The following SMIM22 variants were observed in gnomAD, a reference collection of about 807,000 sequenced individuals.
SMIM22 encodes small integral membrane protein 22, also known as cancer associated small integral membrane open reading frame 1.
A neutral mutation model predicts 8.4 loss-of-function variants in SMIM22; 16 were observed. The observed-to-expected ratio is 1.90, with a 90% CI of 1.29 to 2.89. SMIM22 has a LOEUF of 2.89. SMIM22 is among the 30% of genes most tolerant of loss of function. The probability of loss-of-function intolerance (pLI) is 0.00; values close to 1 mark genes in which losing one functional copy is unlikely to be tolerated. For synonymous variants in SMIM22, 67 were observed against 47.6 expected, an observed-to-expected ratio of 1.41 and a Z score of -1.68; for missense variants, 159 against 107.5, an observed-to-expected ratio of 1.48 and a Z score of -2.12.
chr16:4,794,241 G>A (rs960203129), upstream of SMIM22, among the ~76,000 whole-genome samples: 1 of 151,808 alleles, frequency 6.6e-6, no homozygotes, highest in South Asian at 2.1e-4. Context: ...CTGAGTAGTT[G>A]GGACTATAGG....
intron 1 of SMIM22, 102 bp from the exon 2 acceptor site, chr16:4,795,613 C>A: frequency 7.2e-7 from 1 of 1,395,852 alleles, no homozygotes; most frequent in Non-Finnish European, 9.5e-7. Flanking sequence ...GAAGCTGGCG[C>A]TGGGCCAGGA....
At chr16:4,790,543 A>C (rs1352230505), upstream of SMIM22, among the ~76,000 whole-genome samples, 2 of 152,274 alleles carry the variant, frequency 1.3e-5, no homozygotes, top group East Asian at 3.9e-4. Flanking sequence ...TAATCCCAGC[A>C]CTTCAGGAGG....
At chr16:4,791,587 C>T (rs1040199695), upstream of SMIM22, among the ~76,000 whole-genome samples, 1 of 152,124 alleles carries the variant, frequency 6.6e-6, no homozygotes, top group Non-Finnish European at 1.5e-5. Flanking sequence ...GGCATGCAAT[C>T]GAACCTGGGT....
intron 2 of SMIM22, among the ~76,000 whole-genome samples, chr16:4,789,395 G>T (rs1000340856): frequency 4.6e-5 from 7 of 150,760 alleles, no homozygotes; most frequent in African/African-American, 1.5e-4. Context: ...GCATGATCTC[G>T]GCTCACTGTA....
rs551208341 is a variant in SMIM22 at position 4,796,061 on chromosome 16, G to A, written c.225+13G>A. On this transcript the variant is annotated intron_variant, in intron 3 of 3. Coordinates refer to ENST00000586005, the MANE Select transcript of SMIM22 (RefSeq NM_001253794.2). ...GAGCCCCTGGAAGGTGAGCCCTGCC[G>A]GCCTCTGGGACCTGCACGGAACTGT... 411 of 1,531,670 alleles carry A rather than the reference G, an allele frequency of 2.7e-4. 1 individual carries two copies. The highest frequency in any genetic ancestry group is 3.4e-4 in the Non-Finnish European group (386 of 1,144,024). 94.9% of individuals were successfully genotyped at this position (1,531,670 alleles called of 1,614,324 possible). A position where few individuals can be genotyped will look rare whatever the true frequency, so the allele number is the denominator to read the frequency against.
At chr16:4,790,623 A>G (rs900856613), upstream of SMIM22, among the ~76,000 whole-genome samples, 2 of 152,158 alleles carry the variant, frequency 1.3e-5, no homozygotes, top group African/African-American at 4.8e-5. Flanking sequence ...CCCCATCTCT[A>G]CTAAAAATAC....
upstream of SMIM22, among the ~76,000 whole-genome samples, chr16:4,791,561 CATTGGTGGGTCTT>C (rs2082551497): frequency 2.6e-5 from 4 of 152,286 alleles, no homozygotes; most frequent in South Asian, 6.2e-4. Flanking sequence ...CAAGCTCACA[CATTGGTGGGTCTT>C]ATGGCATGCA....
intron 2 of SMIM22, among the ~76,000 whole-genome samples, chr16:4,789,277 G>A (rs1173221439): frequency 6.6e-6 from 1 of 151,736 alleles, no homozygotes; most frequent in Non-Finnish European, 1.5e-5. Flanking sequence ...CTCCCAAAGT[G>A]TTGGGATTAG....
chr16:4,793,244 C>A (rs374077174), upstream of SMIM22, among the ~76,000 whole-genome samples: 5 of 152,122 alleles, frequency 3.3e-5, no homozygotes, highest in African/African-American at 1.2e-4. Context: ...CTGGACAAGG[C>A]AAAAGATGGA....
chr16:4,789,161 G>T (rs929702952), intron 2 of SMIM22, among the ~76,000 whole-genome samples: 1 of 152,046 alleles, frequency 6.6e-6, no homozygotes, highest in Non-Finnish European at 1.5e-5. Flanking sequence ...TGGATTACCG[G>T]TGTGCACCAC....
At chr16:4,792,405 T>C (rs1397501189), upstream of SMIM22, among the ~76,000 whole-genome samples, 3 of 150,038 alleles carry the variant, frequency 2.0e-5, no homozygotes, top group East Asian at 2.1e-4. Flanking sequence ...TTAGCCAGGA[T>C]GGTCTCGATC....
upstream of SMIM22, among the ~76,000 whole-genome samples, chr16:4,790,496 A>C (rs570198651): frequency 2.0e-4 from 31 of 152,298 alleles, no homozygotes; most frequent in Non-Finnish European, 3.4e-4. Context: ...AAAGGCTTAG[A>C]GGCTAGGGGT....
At chr16:4,792,690 G>T (rs1450817203), upstream of SMIM22, among the ~76,000 whole-genome samples, 1 of 150,472 alleles carries the variant, frequency 6.6e-6, no homozygotes. Flanking sequence ...AAATCCCAGT[G>T]ATTCGGGAGG....
chr16:4,792,748 G>A (rs1283193492), upstream of SMIM22, among the ~76,000 whole-genome samples: 3 of 148,260 alleles, frequency 2.0e-5, no homozygotes, highest in African/African-American at 5.0e-5. Flanking sequence ...GTTGCAGTGA[G>A]CCGACATCGT....
At chr16:4,794,728 G>T (rs187435509), upstream of SMIM22, among the ~76,000 whole-genome samples, 3,018 of 152,194 alleles carry the variant, frequency 0.02, 44 homozygotes, top group Non-Finnish European at 0.031. Flanking sequence ...CCCAATTTTT[G>T]TATTTTTAGT....
chr16:4,792,084 C>A (rs190659301), upstream of SMIM22, among the ~76,000 whole-genome samples: 421 of 152,248 alleles, frequency 2.8e-3, 1 homozygote, highest in Non-Finnish European at 4.0e-3. Flanking sequence ...AACAAGGTAC[C>A]CAGAGAGACA....
rs1257342911 is a variant in SMIM22 at position 4,796,224 on chromosome 16, A to G, written c.260A>G (p.Glu87Gly). 6.5e-7 allele frequency: 1 copy of G among 1,535,670 alleles called. No individual in the cohort carries two copies. The highest frequency in any genetic ancestry group is 2.4e-5 in the East Asian group (1 of 40,914). ...AAGGGAGTGGATAACTTGGCCCTGG[A>G]ACCCTGACCCTGTGTCTCCTGCCCG... ...RPKGVDNLALEP is the reference protein window; with the variant it reads ...RPKGVDNLALGP The change falls in exon 4 of 4, where the codon GAA becomes GGA. Residue 87 changes from glutamate to glycine, a missense_variant. By Grantham distance (98) the Glu-to-Gly change is moderately conservative. Coordinates refer to ENST00000586005, the MANE Select transcript of SMIM22 (RefSeq NM_001253794.2).
upstream of SMIM22, among the ~76,000 whole-genome samples, chr16:4,792,311 C>T: frequency 6.6e-6 from 1 of 151,618 alleles, no homozygotes; most frequent in East Asian, 2.0e-4. Flanking sequence ...CTGCCTCAGC[C>T]TCCCGAGTAG....
chr16:4,791,267 T>C (rs551628249), upstream of SMIM22, among the ~76,000 whole-genome samples: 1 of 152,158 alleles, frequency 6.6e-6, no homozygotes, highest in African/African-American at 2.4e-5. Context: ...ATCTGGAAGG[T>C]GCTCCCGGTG....
Sources: gnomAD v4.1 joint callset for allele counts (sites outside exome capture counted in the v4.1 genomes callset) on GRCh38, gnomAD v4.1.1 for gene constraint, MANE v1.5 for transcripts, NCBI Gene and HGNC (gene_info 2026-07-23, HGNC 2026-07-21) for gene names.